The following KCNQ5 variants were observed in gnomAD, a reference collection of about 807,000 sequenced individuals.
KCNQ5 encodes potassium voltage-gated channel subfamily Q member 5.
KCNQ5 carries 30 observed loss-of-function variants against 98.2 expected under a neutral mutation model. The observed-to-expected ratio is 0.31, with a 90% CI of 0.23 to 0.41. KCNQ5 has a LOEUF of 0.41. KCNQ5 is among the 10% of genes least tolerant of loss of function. The pLI, the probability that KCNQ5 is intolerant of heterozygous loss-of-function variation, is 1.00. For missense variants in KCNQ5, 835 were observed against 1,182.5 expected (o/e 0.71, Z 4.31); for synonymous variants, 458 against 449.4 (o/e 1.02, Z -0.24).
intron 1 of KCNQ5, among the ~76,000 whole-genome samples, chr6:72,763,920 C>T (rs1005132297): frequency 2.6e-5 from 4 of 151,930 alleles, no homozygotes; most frequent in Non-Finnish European, 5.9e-5. Flanking sequence ...TCCCTTTTCA[C>T]TTTTGTCTCC....
intron 5 of KCNQ5, among the ~76,000 whole-genome samples, chr6:73,100,541 C>T (rs531874148): frequency 1.5e-4 from 23 of 151,524 alleles, no homozygotes; most frequent in South Asian, 4.2e-4. Context: ...TGGTGGCAGG[C>T]GCCTGTAGTC....
At chr6:73,174,246 A>C (rs1292131472) in intron 11 of KCNQ5, among the ~76,000 whole-genome samples, 1 of 152,186 alleles carries the variant, frequency 6.6e-6, no homozygotes, top group Non-Finnish European at 1.5e-5. Context: ...CACTCTTAAT[A>C]AGATCCTCAG....
At chr6:72,849,007 A>G (rs531764827) in intron 1 of KCNQ5, among the ~76,000 whole-genome samples, 2 of 152,104 alleles carry the variant, frequency 1.3e-5, no homozygotes, top group African/African-American at 2.4e-5. Flanking sequence ...ATATAATGCC[A>G]TATTTGACTT....
intron 1 of KCNQ5, among the ~76,000 whole-genome samples, chr6:72,866,224 G>T (rs1221266031): frequency 2.8e-5 from 4 of 145,128 alleles, no homozygotes; most frequent in Admixed American, 6.9e-5. Context: ...TCCCCATCAT[G>T]CTTATTCTAG....
Position 73,127,719 on chromosome 6 carries a change from G to A in KCNQ5, c.1247+3207G>A, listed in dbSNP as rs367826289. On this transcript the variant is annotated intron_variant, in intron 9 of 13. Coordinates refer to ENST00000370398, the MANE Select transcript of KCNQ5 (RefSeq NM_019842.4). ...AAACAAAATTTGCCTACGATGTCTT[G>A]GGCTAAGGAAAAATGTCACATTATT... Among the ~76,000 whole-genome samples the A allele has an allele frequency of 3.9e-5, 6 of 152,220 alleles. No homozygotes were observed. In the South Asian group the frequency reaches 6.2e-4, roughly 16 times the overall value.
chr6:72,984,890 C>T (rs1173119237), intron 1 of KCNQ5, among the ~76,000 whole-genome samples: 5 of 152,130 alleles, frequency 3.3e-5, no homozygotes, highest in East Asian at 1.9e-4. Context: ...ACAAGAAATT[C>T]GAAGCCCTGG....
At chr6:73,043,434 G>A (rs1452321577) in intron 3 of KCNQ5, among the ~76,000 whole-genome samples, 1 of 152,218 alleles carries the variant, frequency 6.6e-6, no homozygotes, top group Non-Finnish European at 1.5e-5. Flanking sequence ...ATGGAGCAAA[G>A]TCGGTGGTAA....
At chr6:72,754,836 A>G (rs1026499274) in intron 1 of KCNQ5, among the ~76,000 whole-genome samples, 5 of 152,092 alleles carry the variant, frequency 3.3e-5, no homozygotes, top group African/African-American at 1.2e-4. Context: ...GTGTTGTTCA[A>G]ATTTTGTATA....
intron 1 of KCNQ5, among the ~76,000 whole-genome samples, chr6:72,996,426 C>A (rs1024882103): frequency 6.6e-6 from 1 of 152,126 alleles, no homozygotes; most frequent in African/African-American, 2.4e-5. Flanking sequence ...CCTCATTGAG[C>A]AAATACAATG....
At chr6:73,061,647 A>C (rs1051098554) in intron 3 of KCNQ5, among the ~76,000 whole-genome samples, 1 of 152,116 alleles carries the variant, frequency 6.6e-6, no homozygotes, top group Non-Finnish European at 1.5e-5. Context: ...ACTCACGAAA[A>C]ACTCTGTTCT....
chr6:72,971,481 C>A (rs1767894335), intron 1 of KCNQ5, among the ~76,000 whole-genome samples: 1 of 152,178 alleles, frequency 6.6e-6, no homozygotes, highest in African/African-American at 2.4e-5. Context: ...TTTGACCCAG[C>A]CATCCCATTA....
chr6:72,639,795 A>T (rs1229272895), intron 1 of KCNQ5, among the ~76,000 whole-genome samples: 1 of 152,158 alleles, frequency 6.6e-6, no homozygotes, highest in Non-Finnish European at 1.5e-5. Flanking sequence ...GTAGATTAGG[A>T]ATCAACAAAG....
At chr6:73,138,181 G>T (rs16883374) in intron 10 of KCNQ5, among the ~76,000 whole-genome samples, 7,315 of 152,252 alleles carry the variant, frequency 0.048, 183 homozygotes, top group African/African-American at 0.072. Flanking sequence ...CCAATGGTAG[G>T]GTCATCTGAG....
At chr6:72,700,332 T>G (rs906982324) in intron 1 of KCNQ5, among the ~76,000 whole-genome samples, 1 of 151,004 alleles carries the variant, frequency 6.6e-6, no homozygotes, top group African/African-American at 2.4e-5. Context: ...TCTATCTATC[T>G]ATCTAATCTA....
chr6:72,660,947 AC>A (rs1766489651), intron 1 of KCNQ5, among the ~76,000 whole-genome samples: 1 of 152,040 alleles, frequency 6.6e-6, no homozygotes, highest in Admixed American at 6.6e-5. Flanking sequence ...AATAAAAAGT[AC>A]TCTTTTAAAA....
At chr6:73,190,474 T>C (rs1348993679) in intron 11 of KCNQ5, 99 bp from the exon 12 acceptor site, 1 of 589,116 alleles carries the variant, frequency 1.7e-6, no homozygotes, top group African/African-American at 1.9e-5. Context: ...ATGCATGACT[T>C]TTCCCCCCAG....
chr6:72,972,624 G>C (rs1305625106), intron 1 of KCNQ5, among the ~76,000 whole-genome samples: 2 of 152,036 alleles, frequency 1.3e-5, no homozygotes. Flanking sequence ...TTAGTTTGCT[G>C]AGGATGATGG....
chr6:73,055,335 G>A, intron 3 of KCNQ5: 1 of 1,429,208 alleles, frequency 7.0e-7, no homozygotes, highest in Non-Finnish European at 9.8e-7. Context: ...CCAATAGTGA[G>A]GACTTGGCGC....
Position 73,197,946 on chromosome 6 carries a change from A to C in KCNQ5, c.*2532A>C, listed in dbSNP as rs781388061. The C allele has an allele frequency of 2.0e-5, 3 of 152,228 alleles. No homozygotes were observed. Among genetic ancestry groups the C allele is most frequent in the Non-Finnish European group, 4.4e-5 (3 of 68,042 alleles). 9.4% of individuals were successfully genotyped at this position (152,228 alleles called of 1,614,324 possible). ...GCAAAATGTGATAAACCATGTTGTG[A>C]AAAACTTTTATACATTGAAGCCATG... On this transcript the variant is annotated 3_prime_UTR_variant, in exon 14 of 14. Transcript: ENST00000370398.
Sources: allele counts gnomAD v4.1 joint callset (sites outside exome capture counted in the v4.1 genomes callset), GRCh38; gene constraint gnomAD v4.1.1; transcripts MANE v1.5; gene names NCBI Gene and HGNC (gene_info 2026-07-23, HGNC 2026-07-21).